The following MTMR14 variants were observed in gnomAD, a reference collection of about 807,000 sequenced individuals.
MTMR14 encodes the protein myotubularin related protein 14.
In MTMR14, 48 loss-of-function variants were observed where a neutral mutation model predicts 86.3. The ratio of observed to expected loss-of-function variants is 0.56; its 90% CI spans 0.44 to 0.71. The LOEUF is 0.71. MTMR14 is among the 30% of genes least tolerant of loss of function. The pLI, the probability that MTMR14 is intolerant of heterozygous loss-of-function variation, is 0.00. For synonymous variants in MTMR14, 366 were observed against 326.1 expected (o/e 1.12, Z -1.32); for missense variants, 780 against 834.6 (o/e 0.93, Z 0.81).
intron 17 of MTMR14, 130 bp from the exon 18 acceptor site, chr3:9,697,581 A>G: frequency 2.9e-6 from 3 of 1,038,938 alleles, no homozygotes; most frequent in Non-Finnish European, 4.2e-6. Flanking sequence ...TTTTTTTTAG[A>G]CTTTTGGAGA....
chr3:9,670,943 C>T (rs1360199449), intron 5 of MTMR14, 105 bp from the exon 6 acceptor site: 4 of 1,472,494 alleles, frequency 2.7e-6, no homozygotes, highest in Non-Finnish European at 3.8e-6. Context: ...CACGCCCCAG[C>T]TTCTGGAGAA....
intron 17 of MTMR14, 88 bp from the exon 18 acceptor site, chr3:9,697,623 G>T: frequency 6.8e-7 from 1 of 1,462,354 alleles, no homozygotes; most frequent in Non-Finnish European, 9.4e-7. Flanking sequence ...AGCAGCCAGG[G>T]CTGCGCTAGT....
At chr3:9,675,149 A>G (rs2048786024) in intron 7 of MTMR14, among the ~76,000 whole-genome samples, 1 of 152,212 alleles carries the variant, frequency 6.6e-6, no homozygotes, top group South Asian at 2.1e-4. Flanking sequence ...AAAAGGCATC[A>G]AAAGAGACCA....
chr3:9,662,937 C>T (rs948353601), intron 3 of MTMR14, among the ~76,000 whole-genome samples: 2 of 152,016 alleles, frequency 1.3e-5, no homozygotes, highest in African/African-American at 4.8e-5. Context: ...TTTTGGTGTA[C>T]GGGATGTGCC....
chr3:9,669,513 G>A (rs753424785), intron 5 of MTMR14, 21 bp downstream of exon 5: 1 of 1,608,872 alleles, frequency 6.2e-7, no homozygotes, highest in East Asian at 2.2e-5. Context: ...GGTTGCTGTG[G>A]TCAGGGGCTT....
At chr3:9,649,874 G>A (rs2047177919) in intron 1 of MTMR14, 132 bp downstream of exon 1, 1 of 1,529,312 alleles carries the variant, frequency 6.5e-7, no homozygotes, top group Non-Finnish European at 8.8e-7. Flanking sequence ...AGAGAGAGGA[G>A]TTCTCCAGGG....
At chr3:9,655,906 A>G (rs1351086034) in intron 2 of MTMR14, among the ~76,000 whole-genome samples, 4 of 152,050 alleles carry the variant, frequency 2.6e-5, no homozygotes, top group East Asian at 1.9e-4. Context: ...GGGGATGTCT[A>G]TAAGAGTGCC....
rs2076042478 is a variant in MTMR14, at chr3:9,688,718, G to A, written c.1258G>A (p.Asp420Asn). 1 of 1,614,084 alleles carries A rather than the reference G, an allele frequency of 6.2e-7. No individual in the cohort carries two copies. Among genetic ancestry groups the A allele is most frequent in the Non-Finnish European group, 8.5e-7 (1 of 1,180,046 alleles). Residue 420 changes from aspartate to asparagine, a missense_variant, in exon 15 of 19, where the codon GAT (aspartate) becomes AAT (asparagine). Transcript: ENST00000296003. ...TAGGAGGAAGAGTTTGCCAGCCCGGGATGGAGGCTTCACCCTGGAAGACAT... is the reference window on the plus strand; with the variant it reads ...TAGGAGGAAGAGTTTGCCAGCCCGGAATGGAGGCTTCACCCTGGAAGACAT... Reference protein sequence around the residue: ...TQRRKSLPARDGGFTLEDICM... With the variant: ...TQRRKSLPARNGGFTLEDICM...
rs544629183 is a variant in MTMR14 at position 9,662,388 on chromosome 3, C to T, written c.417+13C>T. The T allele has an allele frequency of 3.8e-6, 6 of 1,599,814 alleles. No individual in the cohort carries two copies. In the South Asian group the frequency reaches 4.4e-5, roughly 12 times the overall value. ...GTTCAAGGGCAAGGTAAGGCCCATA[C>T]CATAGCTTCATGCTCCACGACTCTC... On this transcript the variant is annotated intron_variant, in intron 3 of 18. Coordinates refer to ENST00000296003, the MANE Select transcript of MTMR14 (RefSeq NM_001077525.3).
chr3:9,688,639 G>C, intron 14 of MTMR14, 57 bp from the exon 15 acceptor site: 1 of 1,599,694 alleles, frequency 6.3e-7, no homozygotes, highest in Non-Finnish European at 8.6e-7. Flanking sequence ...TGGGAACGGG[G>C]GACACAATAA....
In MTMR14 at chr3:9,672,534, C is replaced by T. The variant is rs142838767; in HGVS notation, c.678-151C>T. The T allele has an allele frequency of 4.9e-4, 359 of 732,364 alleles. 2 individuals are homozygous for T. In the East Asian group the frequency reaches 7.6e-3, roughly 16 times the overall value. The allele number at this position is 732,364 out of a possible 1,614,324, so 45.4% of individuals were successfully genotyped here. On this transcript the variant is annotated intron_variant, in intron 6 of 18. Transcript: ENST00000296003. Reference sequence around the variant, plus strand: ...GCTGAAGTTATAGTTCTTAATTGTACAAAGTAGGCACTGCTGAAGGGAATT... The same window carrying T: ...GCTGAAGTTATAGTTCTTAATTGTATAAAGTAGGCACTGCTGAAGGGAATT...
chr3:9,688,617 G>C (rs2076038174), intron 14 of MTMR14, 79 bp from the exon 15 acceptor site: 1 of 1,549,064 alleles, frequency 6.5e-7, no homozygotes, highest in East Asian at 2.3e-5. Context: ...TGCTTTCCAG[G>C]ACAGGCAGGA....
intron 1 of MTMR14, among the ~76,000 whole-genome samples, chr3:9,650,849 G>A (rs962623275): frequency 6.6e-6 from 1 of 150,940 alleles, no homozygotes; most frequent in African/African-American, 2.4e-5. Flanking sequence ...GTGCAGTGGC[G>A]CAATCTCAGC....
intron 17 of MTMR14, 55 bp from the exon 18 acceptor site, chr3:9,697,656 G>A (rs1393234105): frequency 1.3e-6 from 2 of 1,588,974 alleles, no homozygotes; most frequent in South Asian, 1.1e-5. Context: ...TCCAGAGCCT[G>A]TGTCAGGCAT....
rs189303098 is a variant in MTMR14 at position 9,686,002 on chromosome 3, G to A, written c.1164+755G>A. On this transcript the variant is annotated intron_variant, in intron 13 of 18. Coordinates refer to ENST00000296003, the MANE Select transcript of MTMR14 (RefSeq NM_001077525.3). Reference sequence around the variant, plus strand: ...CCCAGCATGGAAGCTGTCCCACGGTGTCAGCTCCTTCTCTTTGGCCCCCAC... The same window carrying A: ...CCCAGCATGGAAGCTGTCCCACGGTATCAGCTCCTTCTCTTTGGCCCCCAC... Among the ~76,000 whole-genome samples, 10 of 152,254 alleles carry A rather than the reference G, an allele frequency of 6.6e-5. No individual in the cohort carries two copies. The East Asian group carries it at 1.9e-3, about 29-fold the overall frequency.
intron 7 of MTMR14, among the ~76,000 whole-genome samples, chr3:9,676,977 G>A (rs186028765): frequency 9.2e-5 from 14 of 152,352 alleles, no homozygotes; most frequent in Non-Finnish European, 1.6e-4. Flanking sequence ...TTTGTTTACT[G>A]GGATTGGCAC....
At chr3:9,680,862 AAAG>A (rs1405343215) in intron 9 of MTMR14, among the ~76,000 whole-genome samples, 1 of 152,042 alleles carries the variant, frequency 6.6e-6, no homozygotes, top group Non-Finnish European at 1.5e-5. Context: ...CAAACAAACA[AAAG>A]AAGGCAGCCC....
At chr3:9,680,712 C>T (rs1041687879) in intron 9 of MTMR14, among the ~76,000 whole-genome samples, 1 of 152,246 alleles carries the variant, frequency 6.6e-6, no homozygotes. Context: ...TGGCGGGCGC[C>T]TGTAGTGCCA....
intron 1 of MTMR14, among the ~76,000 whole-genome samples, chr3:9,651,693 T>C (rs1157641576): frequency 6.6e-6 from 1 of 151,780 alleles, no homozygotes; most frequent in East Asian, 1.9e-4. Flanking sequence ...TCAGAAGGAG[T>C]CTCCCTCTGT....
Sources: gnomAD v4.1 joint callset for allele counts (sites outside exome capture counted in the v4.1 genomes callset) on GRCh38, gnomAD v4.1.1 for gene constraint, MANE v1.5 for transcripts, NCBI Gene and HGNC (gene_info 2026-07-23, HGNC 2026-07-21) for gene names.